DGKH: variants seen among roughly 807,000 people sequenced by gnomAD.
The protein encoded by DGKH is DAG kinase eta.
In DGKH, 90 loss-of-function variants were observed where a neutral mutation model predicts 159.3. The ratio of observed to expected loss-of-function variants is 0.57; its 90% CI spans 0.48 to 0.67. The LOEUF is 0.67. Ranked by LOEUF, DGKH falls within the 30% of genes least tolerant of loss-of-function variation. The probability of loss-of-function intolerance (pLI) is 0.00; values close to 1 mark genes in which losing one functional copy is unlikely to be tolerated. For missense variants in DGKH, 1,181 were observed against 1,506.1 expected (o/e 0.78, Z 3.57); for synonymous variants, 536 against 553.8 (o/e 0.97, Z 0.45).
rs1032539714 is a variant in DGKH at position 42,048,983 on chromosome 13, G to C, written c.192+18G>C. The C allele has an allele frequency of 5.5e-6, 7 of 1,271,054 alleles. No homozygotes were observed. In the Admixed American group the frequency reaches 1.5e-4, roughly 28 times the overall value. 78.7% of individuals were successfully genotyped at this position (1,271,054 alleles called of 1,614,324 possible). Reference sequence around the variant, plus strand: ...GGACCAAGGTAGGGCGGAGGAGGCGGGCCTGAGGGCCGCGTGGAAAGCGGG... The same window carrying C: ...GGACCAAGGTAGGGCGGAGGAGGCGCGCCTGAGGGCCGCGTGGAAAGCGGG... On this transcript the variant is annotated intron_variant, in intron 1 of 29. Transcript: ENST00000337343. This position sits in a 1 kb window ranked among gnomAD's most constrained non-coding sequence, Gnocchi z 6.7.
chr13:42,095,694 CTA>C (rs1203427420), intron 1 of DGKH, among the ~76,000 whole-genome samples: 1 of 152,156 alleles, frequency 6.6e-6, no homozygotes, highest in Non-Finnish European at 1.5e-5. Flanking sequence ...CTCTATATAT[CTA>C]TGTGAATATA....
At chr13:42,082,136 G>A (rs1368083853) in intron 1 of DGKH, among the ~76,000 whole-genome samples, 3 of 151,572 alleles carry the variant, frequency 2.0e-5, no homozygotes, top group Non-Finnish European at 2.9e-5. Flanking sequence ...GGCTGCACAC[G>A]TATCCTTCTT....
intron 3 of DGKH, among the ~76,000 whole-genome samples, chr13:42,154,624 T>C (rs1955994170): frequency 4.0e-5 from 6 of 151,762 alleles, no homozygotes; most frequent in South Asian, 2.1e-4. Flanking sequence ...CGCTAAATAC[T>C]AGTACAGTGG....
At chr13:42,220,886 C>G (rs566958511) in intron 28 of DGKH, among the ~76,000 whole-genome samples, 1 of 152,286 alleles carries the variant, frequency 6.6e-6, no homozygotes, top group Non-Finnish European at 1.5e-5. Flanking sequence ...TAGCTCATTT[C>G]AGTCTATAGC....
chr13:42,137,941 G>A (rs1009564213), intron 3 of DGKH: 2 of 244,712 alleles, frequency 8.2e-6, no homozygotes, highest in Non-Finnish European at 6.5e-6. Flanking sequence ...AGGACCTGTG[G>A]TTGAATTCGT....
intron 9 of DGKH, among the ~76,000 whole-genome samples, chr13:42,167,166 T>A (rs1956334732): frequency 6.6e-6 from 1 of 152,232 alleles, no homozygotes; most frequent in Non-Finnish European, 1.5e-5. Context: ...GGATGTCATA[T>A]AACTTAAAAT....
intron 3 of DGKH, among the ~76,000 whole-genome samples, chr13:42,153,568 G>A (rs771291111): frequency 7.2e-5 from 11 of 152,184 alleles, no homozygotes; most frequent in Non-Finnish European, 1.5e-4. Flanking sequence ...AGTGAGTCCA[G>A]TGAAACTTGG....
chr13:42,247,250 G>A (rs1324576396), downstream of DGKH, among the ~76,000 whole-genome samples: 1 of 58,282 alleles, frequency 1.7e-5, no homozygotes, highest in Admixed American at 1.7e-4. Context: ...TTTTTTTTTT[G>A]AGACAGTCTT....
chr13:42,178,351 A>AT lies in DGKH; in HGVS notation c.1538+131_1538+132insT, dbSNP rs1956659684. Reference sequence around the variant, plus strand: ...GGAAGTAGCTTATAAAATTAGATGTACTAAATTTGAATTGATTTTTAAAAA... The same window carrying AT: ...GGAAGTAGCTTATAAAATTAGATGTATCTAAATTTGAATTGATTTTTAAAAA... On this transcript the variant is annotated intron_variant, in intron 13 of 29. Coordinates refer to ENST00000337343, the MANE Select transcript of DGKH (RefSeq NM_178009.5). 8.1e-6 allele frequency: 5 copies of AT among 620,376 alleles called. No individual in the cohort carries two copies. In the Admixed American group the frequency reaches 1.6e-4, roughly 20 times the overall value. 38.4% of individuals were successfully genotyped at this position (620,376 alleles called of 1,614,324 possible).
rs1404593123 is a variant in DGKH at position 42,236,652 on chromosome 13, G to C, written c.*7464G>C. The C allele has an allele frequency of 6.6e-6, 1 of 152,168 alleles. No homozygotes were observed. The highest frequency in any genetic ancestry group is 1.5e-5 in the Non-Finnish European group (1 of 68,028). 9.4% of individuals were successfully genotyped at this position (152,168 alleles called of 1,614,324 possible). Reference sequence around the variant, plus strand: ...TAGGAATCTTGAACCATGGCTGAGCGCTGTTGCTCAGGCCTGTAATCCCAG... The same window carrying C: ...TAGGAATCTTGAACCATGGCTGAGCCCTGTTGCTCAGGCCTGTAATCCCAG... On this transcript the variant is annotated 3_prime_UTR_variant, in exon 30 of 30. Coordinates refer to ENST00000337343, the MANE Select transcript of DGKH (RefSeq NM_178009.5).
intron 3 of DGKH, among the ~76,000 whole-genome samples, chr13:42,149,105 T>C (rs1450122395): frequency 6.6e-6 from 1 of 151,744 alleles, no homozygotes; most frequent in Non-Finnish European, 1.5e-5. Flanking sequence ...AATTTTTGAG[T>C]TTTTGTAGAG....
intron 1 of DGKH, among the ~76,000 whole-genome samples, chr13:42,061,245 C>A (rs544102446): frequency 6.6e-6 from 1 of 152,256 alleles, no homozygotes; most frequent in South Asian, 2.1e-4. Context: ...TGGGCTTTCC[C>A]GTTGATCTGC....
At chr13:42,060,978 A>T (rs926099709) in intron 1 of DGKH, among the ~76,000 whole-genome samples, 4 of 152,166 alleles carry the variant, frequency 2.6e-5, no homozygotes, top group Admixed American at 2.0e-4. Flanking sequence ...AAAACTTAGG[A>T]CATGGACACA....
chr13:42,207,151 T>TC (rs1185385389), intron 21 of DGKH, among the ~76,000 whole-genome samples: 2 of 71,924 alleles, frequency 2.8e-5, no homozygotes, highest in Non-Finnish European at 5.4e-5. Flanking sequence ...CCTTCCTTCC[T>TC]TCCTTCCTTC....
chr13:42,179,484 G>C (rs1956692533), intron 13 of DGKH, among the ~76,000 whole-genome samples: 1 of 152,126 alleles, frequency 6.6e-6, no homozygotes, highest in African/African-American at 2.4e-5. Flanking sequence ...GTGTAAGATT[G>C]TATTTGAACC....
At chr13:42,060,385 T>C (rs1882065052) in intron 1 of DGKH, among the ~76,000 whole-genome samples, 1 of 152,240 alleles carries the variant, frequency 6.6e-6, no homozygotes, top group Non-Finnish European at 1.5e-5. Flanking sequence ...TTTTCTAGCC[T>C]GTACTTCTGA....
intron 1 of DGKH, chr13:42,069,935 A>C: frequency 2.8e-6 from 2 of 724,430 alleles, no homozygotes; most frequent in South Asian, 3.4e-5. Context: ...GTGACATCAG[A>C]CAGAGCTCTT....
At chr13:42,134,784 C>T (rs1955366484) in intron 3 of DGKH, among the ~76,000 whole-genome samples, 1 of 152,102 alleles carries the variant, frequency 6.6e-6, no homozygotes. Context: ...AGGTGGATCG[C>T]TTGAGGCTAG....
chr13:42,144,027 A>T (rs545685270), intron 3 of DGKH, among the ~76,000 whole-genome samples: 1 of 152,348 alleles, frequency 6.6e-6, no homozygotes, highest in East Asian at 1.9e-4. Context: ...AATTCCCACT[A>T]TAAATATCTG....
Sources: gnomAD v4.1 joint callset for allele counts (sites outside exome capture counted in the v4.1 genomes callset) on GRCh38, gnomAD v4.1.1 for gene constraint, Gnocchi (gnomAD v3.1) non-coding constraint, MANE v1.5 for transcripts, NCBI Gene and HGNC (gene_info 2026-07-23, HGNC 2026-07-21) for gene names.